Variants in PLEKHG4 observed in about 807,000 individuals in gnomAD.
PLEKHG4 encodes the protein pleckstrin homology and RhoGEF domain containing G4.
A neutral mutation model predicts 136.9 loss-of-function variants in PLEKHG4; 85 were observed. The observed-to-expected ratio is 0.62, with a 90% CI of 0.52 to 0.74. The LOEUF is 0.74. Ranked by LOEUF, PLEKHG4 falls within the 30% of genes least tolerant of loss-of-function variation. The probability of loss-of-function intolerance (pLI) is 0.00; values close to 1 mark genes in which losing one functional copy is unlikely to be tolerated. For synonymous variants in PLEKHG4, 577 were observed against 646.9 expected (o/e 0.89, Z 1.64); for missense variants, 1,317 against 1,527.8 (o/e 0.86, Z 2.30).
intron 15 of PLEKHG4, 41 bp downstream of exon 15, chr16:67,286,404 A>T: frequency 6.2e-7 from 1 of 1,607,800 alleles, no homozygotes; most frequent in Non-Finnish European, 8.5e-7. Context: ...GGATGCGGGG[A>T]GTGCCCCCAA....
In PLEKHG4 at chr16:67,284,473, C is replaced by T. The variant is rs1054205779; in HGVS notation, c.1692+16C>T. The T allele has an allele frequency of 9.3e-6, 15 of 1,612,952 alleles. No individual in the cohort carries two copies. The highest frequency in any genetic ancestry group is 1.3e-5 in the Non-Finnish European group (15 of 1,179,370). ...CTTCAGGGAGGTGGGTGAGAGTCTC[C>T]CCAGCTCCAAGTGATCCATGAGGCC... On this transcript the variant is annotated intron_variant, in intron 12 of 21. Coordinates refer to ENST00000379344, the MANE Select transcript of PLEKHG4 (RefSeq NM_001129729.3). The surrounding 1 kb of genome is among the most constrained non-coding windows in gnomAD (Gnocchi z 4.4).
chr16:67,282,628 G>A lies in PLEKHG4; in HGVS notation c.1379G>A (p.Ser460Asn), dbSNP rs763748612. Residue 460 changes from serine (S) to asparagine (N), a missense_variant, in exon 10 of 22, where the codon AGC becomes AAC. By Grantham distance (46) the Ser-to-Asn change is conservative. Transcript: ENST00000379344. ...GTCCAAACACTGGAGGCCCGGGAAAGCGGACTGCACCAGGTCGGAACTACT... is the reference window on the plus strand; with the variant it reads ...GTCCAAACACTGGAGGCCCGGGAAAACGGACTGCACCAGGTCGGAACTACT... ...ELVQTLEARE[S>N]GLHQIEVWLQ... The A allele has an allele frequency of 1.2e-5, 20 of 1,613,806 alleles. No individual in the cohort carries two copies. The highest frequency in any genetic ancestry group is 5.0e-5 in the Admixed American group (3 of 60,012).
Position 67,288,361 on chromosome 16 carries a change from C to G in PLEKHG4, c.3415C>G (p.Leu1139Val). Residue 1139 changes from leucine to valine, a missense_variant, in exon 20 of 22, where the codon CTG becomes GTG. By Grantham distance (32) the Leu-to-Val change is conservative. Transcript: ENST00000379344. ...TCCCAGCTTCCCAGAGGAAGCAGCA[C>G]TGGAGGCTGAGGCAGAGCTGGGCGG... The part of the protein sequence containing the change: ...LYPSFPEEAA[L>V]EAEAELGGQP... The G allele has an allele frequency of 1.2e-6, 2 of 1,611,788 alleles. No homozygotes were observed. Among genetic ancestry groups the G allele is most frequent in the Non-Finnish European group, 1.7e-6 (2 of 1,179,976 alleles).
In PLEKHG4 at chr16:67,280,405, G is replaced by T; in HGVS notation, c.361G>T (p.Asp121Tyr). Residue 121 changes from aspartate to tyrosine, a missense_variant, in exon 2 of 22, where the codon GAC becomes TAC. Coordinates refer to ENST00000379344, the MANE Select transcript of PLEKHG4 (RefSeq NM_001129729.3). This position sits in a 1 kb window ranked among gnomAD's most constrained non-coding sequence, Gnocchi z 4.4. ...CCTCAGCTTGGCACAGGGTGAGAGT[G>T]ACACCCCAGGGGTAGGGTTGGTAGG... is the stretch of plus-strand genomic sequence containing the variant. ...SHLSLAQGES[D>Y]TPGVGLVGDP... 6.2e-7 allele frequency: 1 copy of T among 1,607,788 alleles called. No homozygotes were observed. The highest frequency in any genetic ancestry group is 8.5e-7 in the Non-Finnish European group (1 of 1,176,098).
chr16:67,285,146 G>A lies in PLEKHG4; in HGVS notation c.2126G>A (p.Gly709Glu). ...IAACRRPEAG[G>E]GALPQASPTV... ...GCCTGCCGCAGACCAGAGGCTGGAG[G>A]AGGTGCCCTGCCCCAGGCATCCCCT... The change falls in exon 13 of 22, where the codon GGA becomes GAA. Residue 709 changes from glycine (G) to glutamate (E), a missense_variant. Gly to Glu is a moderately conservative substitution (Grantham distance 98). Coordinates refer to ENST00000379344, the MANE Select transcript of PLEKHG4 (RefSeq NM_001129729.3). 6.2e-7 allele frequency: 1 copy of A among 1,613,426 alleles called. No individual in the cohort carries two copies.
At chr16:67,285,668 AG>A in intron 14 of PLEKHG4, 132 bp downstream of exon 14, 1 of 1,039,130 alleles carries the variant, frequency 9.6e-7, no homozygotes, top group Non-Finnish European at 1.5e-6. Flanking sequence ...CCTGCACCTG[AG>A]GGTGCTCTTA....
intron 14 of PLEKHG4, 80 bp downstream of exon 14, chr16:67,285,616 T>C: frequency 6.6e-7 from 1 of 1,518,022 alleles, no homozygotes; most frequent in South Asian, 1.1e-5. Context: ...TTGGTGCCAG[T>C]CCCTGTGCTA....
At position 67,282,853 on chromosome 16, in the gene PLEKHG4, G is replaced by T; in HGVS notation, c.1504G>T (p.Ala502Ser). Reference protein sequence around the residue: ...QGSFQELYQVAQEQVRQGEKF... With the variant: ...QGSFQELYQVSQEQVRQGEKF... The stretch of plus-strand genomic sequence containing the variant: ...CTCTTTTCAGGAGCTGTACCAGGTT[G>T]CCCAGGTATATGTGGTCACTTGTTC... The change falls in exon 11 of 22, where the codon GCC (alanine) becomes TCC (serine). Residue 502 changes from alanine (A) to serine (S), a missense_variant. Physicochemically the swap from Ala to Ser is moderately conservative, Grantham distance 99. Transcript: ENST00000379344. The T allele has an allele frequency of 6.2e-7, 1 of 1,611,972 alleles. No homozygotes were observed. Among genetic ancestry groups the T allele is most frequent in the Non-Finnish European group, 8.5e-7 (1 of 1,178,792 alleles).
At position 67,289,051 on chromosome 16, in the gene PLEKHG4, C is replaced by T. The variant is rs1274612104; in HGVS notation, c.*243C>T. 3.4e-5 allele frequency: 21 copies of T among 618,872 alleles called. No individual in the cohort carries two copies. Among genetic ancestry groups the T allele is most frequent in the Admixed American group, 2.0e-4 (8 of 40,152 alleles). The allele number at this position is 618,872 out of a possible 1,614,324, so 38.3% of individuals were successfully genotyped here. A position where few individuals can be genotyped will look rare whatever the true frequency, so the allele number is the denominator to read the frequency against. The stretch of plus-strand genomic sequence containing the variant: ...GCCCCATGACCCCTTCTCCTGTCCC[C>T]AGCTCCCATCCCAGTTGTGGGTTAA... On this transcript the variant is annotated 3_prime_UTR_variant, in exon 22 of 22. Transcript: ENST00000379344.
Position 67,285,184 on chromosome 16 carries a change from C to G in PLEKHG4, c.2164C>G (p.Pro722Ala). ...LPQASPTVPP[P>A]GSSDPRSLNR... is the part of the protein sequence containing the mutation. ...CCAGGCATCCCCTACTGTGCCTCCA[C>G]CAGGCAGCTCTGACCCCAGGAGCCT... The change falls in exon 13 of 22, where the codon CCA (proline) becomes GCA (alanine). Residue 722 changes from proline (P) to alanine (A), a missense_variant. Transcript: ENST00000379344. The G allele has an allele frequency of 6.2e-7, 1 of 1,613,640 alleles. No homozygotes were observed. Among genetic ancestry groups the G allele is most frequent in the Non-Finnish European group, 8.5e-7 (1 of 1,180,008 alleles).
chr16:67,286,069 G>T (rs1029783964), intron 14 of PLEKHG4, among the ~76,000 whole-genome samples: 2 of 152,048 alleles, frequency 1.3e-5, no homozygotes, highest in African/African-American at 4.8e-5. Context: ...CTTCCTTGGG[G>T]GCCTGTGGGC....
chr16:67,284,428 G>T lies in PLEKHG4; in HGVS notation c.1663G>T (p.Ala555Ser). The T allele has an allele frequency of 6.2e-7, 1 of 1,614,022 alleles. No individual in the cohort carries two copies. Among genetic ancestry groups the T allele is most frequent in the South Asian group, 1.1e-5 (1 of 91,076 alleles). The change falls in exon 12 of 22, where the codon GCT becomes TCT. Residue 555 changes from alanine (A) to serine (S), a missense_variant. Transcript: ENST00000379344. This position sits in a 1 kb window ranked among gnomAD's most constrained non-coding sequence, Gnocchi z 4.4. ...CCAGCGGTGCCAGCGGCTGGCGGAT[G>T]CTGAGAGGCTGTTTCAGCTCTTCAG... Reference protein sequence around the residue: ...LAQRCQRLADAERLFQLFREA... With the variant: ...LAQRCQRLADSERLFQLFREA...
At position 67,289,022 on chromosome 16, in the gene PLEKHG4, C is replaced by A. The variant is rs896083339; in HGVS notation, c.*214C>A. 6.1e-6 allele frequency: 4 copies of A among 658,192 alleles called. No individual in the cohort carries two copies. Among genetic ancestry groups the A allele is most frequent in the Non-Finnish European group, 1.1e-5 (4 of 361,540 alleles). The allele number at this position is 658,192 out of a possible 1,614,324, so 40.8% of individuals were successfully genotyped here. Reference sequence around the variant, plus strand: ...TCTGGTTGTAGAGCCTGAATAGGCTCCTGGCCCCATGACCCCTTCTCCTGT... The same window carrying A: ...TCTGGTTGTAGAGCCTGAATAGGCTACTGGCCCCATGACCCCTTCTCCTGT... On this transcript the variant is annotated 3_prime_UTR_variant, in exon 22 of 22. Coordinates refer to ENST00000379344, the MANE Select transcript of PLEKHG4 (RefSeq NM_001129729.3).
In PLEKHG4 at chr16:67,282,866, T is replaced by C. The variant is rs1032927321; in HGVS notation, c.1509+8T>C. 13 of 1,596,258 alleles carry C rather than the reference T, an allele frequency of 8.1e-6. No individual in the cohort carries two copies. The highest frequency in any genetic ancestry group is 1.1e-5 in the Non-Finnish European group (13 of 1,164,636). ...CTGTACCAGGTTGCCCAGGTATATG[T>C]GGTCACTTGTTCATGCCACGGGTAT... On this transcript the variant is annotated splice_region_variant and intron_variant, in intron 11 of 21. Transcript: ENST00000379344.
At position 67,280,297 on chromosome 16, in the gene PLEKHG4, G is replaced by A. The variant is rs572457858; in HGVS notation, c.253G>A (p.Gly85Ser). The change falls in exon 2 of 22, where the codon GGC becomes AGC. Residue 85 changes from glycine to serine, a missense_variant. Coordinates refer to ENST00000379344, the MANE Select transcript of PLEKHG4 (RefSeq NM_001129729.3). The surrounding 1 kb of genome is among the most constrained non-coding windows in gnomAD (Gnocchi z 4.4). Reference protein sequence around the residue: ...AADESGDAQRGTVESSSVLSE... With the variant: ...AADESGDAQRSTVESSSVLSE... ...AGATGAGTCGGGGGATGCCCAGAGG[G>A]GCACAGTAGAAAGCTCCTCAGTCCT... 20 of 1,613,784 alleles carry A rather than the reference G, an allele frequency of 1.2e-5. No individual in the cohort carries two copies. The East Asian group carries it at 1.6e-4, about 13-fold the overall frequency.
rs770906204 is a variant in PLEKHG4, at chr16:67,286,679, A to G, written c.2754+13A>G. On this transcript the variant is annotated intron_variant, in intron 16 of 21. Transcript: ENST00000379344. ...CCAGGGCTGTGATGTGAGTCATCCCAGGGCAAGGGCAGTGGGTGTGAAGAA... is the reference window on the plus strand; with the variant it reads ...CCAGGGCTGTGATGTGAGTCATCCCGGGGCAAGGGCAGTGGGTGTGAAGAA... 4.4e-6 allele frequency: 7 copies of G among 1,583,194 alleles called. No homozygotes were observed. In the South Asian group the frequency reaches 5.7e-5, roughly 13 times the overall value.
At chr16:67,282,662 G>A (rs755452860) in intron 10 of PLEKHG4, 21 bp downstream of exon 10, 11 of 1,613,590 alleles carry the variant, frequency 6.8e-6, no homozygotes, top group Middle Eastern at 1.6e-4. Context: ...CTTGCCCAGA[G>A]TGGGCCCTGC....
Position 67,285,365 on chromosome 16 carries a change from C to G in PLEKHG4, c.2271C>G (p.Asn757Lys), listed in dbSNP as rs779973864. 7 of 1,614,114 alleles carry G rather than the reference C, an allele frequency of 4.3e-6. No homozygotes were observed. Among genetic ancestry groups the G allele is most frequent in the Middle Eastern group, 1.6e-4 (1 of 6,084 alleles). Reference sequence around the variant, plus strand: ...GGGCTCTAGAGTACACTATGGAGAACTATTTCCCCGAGCTGGATCGCCCCG... The same window carrying G: ...GGGCTCTAGAGTACACTATGGAGAAGTATTTCCCCGAGCTGGATCGCCCCG... Reference protein sequence around the residue: ...YVRALEYTMENYFPELDRPDV... With the variant: ...YVRALEYTMEKYFPELDRPDV... The change falls in exon 14 of 22, where the codon AAC becomes AAG. Residue 757 changes from asparagine to lysine, a missense_variant. Coordinates refer to ENST00000379344, the MANE Select transcript of PLEKHG4 (RefSeq NM_001129729.3).
Position 67,284,666 on chromosome 16 carries a change from G to A in PLEKHG4, c.1693-47G>A. The A allele has an allele frequency of 6.2e-7, 1 of 1,606,690 alleles. No homozygotes were observed. ...GGTAGAGGAGCAGAGTGCCCAGCAGGCTTGGCAGGATCTTCCTCTAATGCT... is the reference window on the plus strand; with the variant it reads ...GGTAGAGGAGCAGAGTGCCCAGCAGACTTGGCAGGATCTTCCTCTAATGCT... On this transcript the variant is annotated intron_variant, in intron 12 of 21. Coordinates refer to ENST00000379344, the MANE Select transcript of PLEKHG4 (RefSeq NM_001129729.3). The surrounding 1 kb of genome is among the most constrained non-coding windows in gnomAD (Gnocchi z 4.4).
Sources: gnomAD v4.1 joint callset for allele counts (sites outside exome capture counted in the v4.1 genomes callset) on GRCh38, gnomAD v4.1.1 for gene constraint, Gnocchi (gnomAD v3.1) non-coding constraint, MANE v1.5 for transcripts, NCBI Gene and HGNC (gene_info 2026-07-23, HGNC 2026-07-21) for gene names.